The following VWCE variants were observed in gnomAD, a reference collection of about 807,000 sequenced individuals.
VWCE encodes von Willebrand factor C and EGF domain-containing protein.
A neutral mutation model predicts 102.9 loss-of-function variants in VWCE; 68 were observed. The ratio of observed to expected loss-of-function variants is 0.66; its 90% CI spans 0.54 to 0.81. The LOEUF is 0.81. VWCE is among the 30% of genes least tolerant of loss of function. VWCE has a pLI of 0.00. For synonymous variants in VWCE, 497 were observed against 515.4 expected (o/e 0.96, Z 0.48); for missense variants, 1,137 against 1,263.6 (o/e 0.90, Z 1.52).
Position 61,292,130 on chromosome 11 carries a change from G to A in VWCE, c.111-554C>T, listed in dbSNP as rs1855522422. Among the ~76,000 whole-genome samples the A allele has an allele frequency of 2.0e-5, 3 of 152,130 alleles. No homozygotes were observed. The South Asian group carries it at 6.2e-4, about 31-fold the overall frequency. ...GTCAGCTACTCGGGAGGCTGAGGTG[G>A]GAGAATGGCTTGAGCCTGTGAGGCA... On this transcript the variant is annotated intron_variant, in intron 1 of 19. Transcript: ENST00000335613.
At chr11:61,273,114 C>G (rs1473230458) in intron 13 of VWCE, 85 bp downstream of exon 13, 1 of 1,358,280 alleles carries the variant, frequency 7.4e-7, no homozygotes. Context: ...ACAGCACACA[C>G]ACCAGCAGTC....
Position 61,278,388 on chromosome 11 carries a change from G to A in VWCE, c.1407+6C>T, listed in dbSNP as rs771490842. ...CACGAGGCTTTGAGGATCTTGTGAC[G>A]CTTACCAGACAGACACAGACGGTGC... On this transcript the variant is annotated splice_donor_region_variant and intron_variant, in intron 10 of 19. Coordinates refer to ENST00000335613, the MANE Select transcript of VWCE (RefSeq NM_152718.2). 8.7e-6 allele frequency: 14 copies of A among 1,613,928 alleles called. No individual in the cohort carries two copies. Among genetic ancestry groups the A allele is most frequent in the Middle Eastern group, 1.6e-4 (1 of 6,084 alleles).
intron 4 of VWCE, among the ~76,000 whole-genome samples, chr11:61,287,031 A>G (rs1277012439): frequency 2.6e-5 from 4 of 152,064 alleles, no homozygotes; most frequent in Non-Finnish European, 4.4e-5. Context: ...TGGGAGGCGG[A>G]GCTTGCAGTG....
intron 15 of VWCE, 59 bp from the exon 16 acceptor site, chr11:61,267,603 G>A (rs1159681075): frequency 5.2e-5 from 81 of 1,543,870 alleles, no homozygotes; most frequent in Non-Finnish European, 4.2e-5. Context: ...CAGGCTTCCC[G>A]CCAGGGCCAA....
At position 61,258,982 on chromosome 11, in the gene VWCE, G is replaced by A; in HGVS notation, c.2561C>T (p.Ala854Val). ...LSPGPSTPPG[A>V]PTLPLASPGA... ...TGGGGAAGCTAGAGGTAGAGTGGGG[G>A]CTCCTGGAGGGGTCGAAGGCCCTGG... Residue 854 changes from alanine to valine, a missense_variant, in exon 20 of 20, where the codon GCC becomes GTC. Around this residue, in one of 5 missense-constraint regions of VWCE, gnomAD observed 316 missense variants for 319.3 expected, o/e 0.99. Coordinates refer to ENST00000335613, the MANE Select transcript of VWCE (RefSeq NM_152718.2). The A allele has an allele frequency of 6.2e-7, 1 of 1,600,104 alleles. No homozygotes were observed. The highest frequency in any genetic ancestry group is 8.5e-7 in the Non-Finnish European group (1 of 1,173,118).
At position 61,281,772 on chromosome 11, in the gene VWCE, G is replaced by A. The variant is rs1302162800; in HGVS notation, c.787+14C>T. On this transcript the variant is annotated intron_variant, in intron 7 of 19. Coordinates refer to ENST00000335613, the MANE Select transcript of VWCE (RefSeq NM_152718.2). ...GCGTGGCCAGCCGCCGGGATGGAGG[G>A]GCCTGGCGCTCACCTTCACAGGACA... The A allele has an allele frequency of 8.1e-6, 13 of 1,604,512 alleles. No homozygotes were observed. In the East Asian group the frequency reaches 2.9e-4, roughly 36 times the overall value.
intron 19 of VWCE, among the ~76,000 whole-genome samples, chr11:61,260,933 A>G (rs1310471345): frequency 6.6e-6 from 1 of 152,154 alleles, no homozygotes; most frequent in Non-Finnish European, 1.5e-5. Flanking sequence ...CAAAAAAAGA[A>G]AAAGTATCGG....
At chr11:61,261,360 G>A (rs919331532) in intron 19 of VWCE, among the ~76,000 whole-genome samples, 12 of 152,096 alleles carry the variant, frequency 7.9e-5, no homozygotes, top group African/African-American at 2.7e-4. Flanking sequence ...CTAAAAATAT[G>A]CTTAAAATGA....
chr11:61,290,742 G>A, intron 4 of VWCE, 57 bp downstream of exon 4: 2 of 1,550,610 alleles, frequency 1.3e-6, no homozygotes, highest in Non-Finnish European at 1.7e-6. Context: ...AGGAGGGGGA[G>A]GAGATATAAT....
chr11:61,282,373 C>G (rs1474987478), intron 6 of VWCE: 1 of 191,766 alleles, frequency 5.2e-6, no homozygotes, highest in Non-Finnish European at 1.1e-5. Context: ...GAGCCAAGCT[C>G]AAACCAAACA....
chr11:61,295,071 G>A lies in VWCE; in HGVS notation c.-34C>T. On this transcript the variant is annotated 5_prime_UTR_variant, in exon 1 of 20. Coordinates refer to ENST00000335613, the MANE Select transcript of VWCE (RefSeq NM_152718.2). This position sits in a 1 kb window ranked among gnomAD's most constrained non-coding sequence, Gnocchi z 4.6. Reference sequence around the variant, plus strand: ...GCGGCGGGTCCCCCGGGCTGGGCTCGGCTCCTGCGCCGCGCGCGGGAGAGG... The same window carrying A: ...GCGGCGGGTCCCCCGGGCTGGGCTCAGCTCCTGCGCCGCGCGCGGGAGAGG... 1 of 1,294,668 alleles carries A rather than the reference G, an allele frequency of 7.7e-7. No individual in the cohort carries two copies. The highest frequency in any genetic ancestry group is 2.0e-5 in the South Asian group (1 of 48,988). 80.2% of individuals were successfully genotyped at this position (1,294,668 alleles called of 1,614,324 possible). A position where few individuals can be genotyped will look rare whatever the true frequency, so the allele number is the denominator to read the frequency against.
In VWCE at chr11:61,281,170, G is replaced by T; in HGVS notation, c.853C>A (p.Leu285Ile). ...LQPRQHPSKM[L>I]LLLPEAGRPA... is the part of the protein sequence containing the mutation. ...CGGCCGGCCTCAGGAAGCAACAGAA[G>T]CATCTTGGACGGGTGTTGCCGGGGT... The change falls in exon 8 of 20, where the codon CTT becomes ATT. Residue 285 changes from leucine to isoleucine, a missense_variant. Physicochemically the swap from Leu to Ile is conservative, Grantham distance 5. Around this residue, in one of 5 missense-constraint regions of VWCE, gnomAD observed 575 missense variants for 625.9 expected, o/e 0.92. Transcript: ENST00000335613. 1 of 1,613,658 alleles carries T rather than the reference G, an allele frequency of 6.2e-7. No individual in the cohort carries two copies. Among genetic ancestry groups the T allele is most frequent in the Non-Finnish European group, 8.5e-7 (1 of 1,180,028 alleles).
chr11:61,272,434 C>CA (rs1810686416), intron 13 of VWCE, among the ~76,000 whole-genome samples: 1 of 151,424 alleles, frequency 6.6e-6, no homozygotes, highest in African/African-American at 2.4e-5. Context: ...AACACAAAAA[C>CA]AGACACATAA....
chr11:61,276,706 T>TG (rs1439971771), intron 10 of VWCE, 26 bp from the exon 11 acceptor site: 1 of 1,569,280 alleles, frequency 6.4e-7, no homozygotes, highest in South Asian at 1.2e-5. Context: ...GAGAGGGCAC[T>TG]GGGGGTGCGG....
intron 9 of VWCE, among the ~76,000 whole-genome samples, chr11:61,279,137 G>A (rs998523980): frequency 5.9e-5 from 9 of 151,786 alleles, no homozygotes; most frequent in African/African-American, 1.9e-4. Flanking sequence ...CTAGTACCCA[G>A]ATTGTCTTCA....
chr11:61,272,099 A>T (rs1854728845), intron 13 of VWCE, among the ~76,000 whole-genome samples: 1 of 152,120 alleles, frequency 6.6e-6, no homozygotes, highest in African/African-American at 2.4e-5. Flanking sequence ...ACACACACAG[A>T]TACAACACAG....
chr11:61,261,754 G>A (rs1324827499), intron 19 of VWCE, among the ~76,000 whole-genome samples: 1 of 149,752 alleles, frequency 6.7e-6, no homozygotes, highest in Non-Finnish European at 1.5e-5. Context: ...GCAGTGAGCT[G>A]TGATCGCACC....
intron 11 of VWCE, among the ~76,000 whole-genome samples, chr11:61,276,066 C>T (rs1854894640): frequency 6.6e-6 from 1 of 152,182 alleles, no homozygotes; most frequent in Admixed American, 6.5e-5. Context: ...TCCACTCACC[C>T]CACTCCATCG....
intron 19 of VWCE, among the ~76,000 whole-genome samples, chr11:61,263,232 G>C (rs1175427719): frequency 6.6e-6 from 1 of 151,900 alleles, no homozygotes; most frequent in Non-Finnish European, 1.5e-5. Flanking sequence ...ACTTGAACCT[G>C]GGAGGCAAAG....
Sources: gnomAD v4.1 joint callset for allele counts (sites outside exome capture counted in the v4.1 genomes callset) on GRCh38, gnomAD v4.1.1 for gene constraint, gnomAD v4.1.1 regional missense constraint, Gnocchi (gnomAD v3.1) non-coding constraint, MANE v1.5 for transcripts, NCBI Gene and HGNC (gene_info 2026-07-23, HGNC 2026-07-21) for gene names.